NUP85: variants seen among roughly 807,000 people sequenced by gnomAD.
NUP85 encodes nucleoporin 85, also known as nuclear pore complex protein Nup85.
Under a neutral mutation model 92.8 loss-of-function variants are expected in NUP85, and 23 were observed. The observed-to-expected ratio is 0.25, with a 90% CI of 0.18 to 0.35. The LOEUF is 0.35. Ranked by LOEUF, NUP85 falls within the 10% of genes least tolerant of loss-of-function variation. The pLI is 1.00. For synonymous variants in NUP85, 314 were observed against 306.9 expected (o/e 1.02, Z -0.24); for missense variants, 759 against 822.8 (o/e 0.92, Z 0.95).
At chr17:75,232,245 G>A (rs1007311904) in intron 14 of NUP85, 22 of 455,278 alleles carry the variant, frequency 4.8e-5, no homozygotes, top group Middle Eastern at 6.4e-4. Context: ...TTGATTCCAC[G>A]AGGTCAGGGC....
Position 75,218,216 on chromosome 17 carries a change from G to T in NUP85, c.507G>T (p.Trp169Cys). The T allele has an allele frequency of 6.2e-7, 1 of 1,613,944 alleles. No homozygotes were observed. Among genetic ancestry groups the T allele is most frequent in the Non-Finnish European group, 8.5e-7 (1 of 1,179,938 alleles). ...AGPLLLHLLD[W>C]VRLHVCEVDS... ...CTCTCCTCCTCCATCTCCTTGACTGGGTCCGGCTCCATGTGTGCGAGGTGG... is the reference window on the plus strand; with the variant it reads ...CTCTCCTCCTCCATCTCCTTGACTGTGTCCGGCTCCATGTGTGCGAGGTGG... The change falls in exon 7 of 19, where the codon TGG becomes TGT. Residue 169 changes from tryptophan to cysteine, a missense_variant. By Grantham distance (215) the Trp-to-Cys change is radical (BLOSUM62 -2). Coordinates refer to ENST00000245544, the MANE Select transcript of NUP85 (RefSeq NM_024844.5).
At chr17:75,212,958 CTT>C in intron 4 of NUP85, 116 bp from the exon 5 acceptor site, 5 of 972,142 alleles carry the variant, frequency 5.1e-6, no homozygotes, top group Non-Finnish European at 6.2e-6. Flanking sequence ...ATTATAATGT[CTT>C]TTAATTTTTC....
At chr17:75,212,501 C>T (rs1475439204) in intron 4 of NUP85, among the ~76,000 whole-genome samples, 1 of 97,506 alleles carries the variant, frequency 1.0e-5, no homozygotes, top group African/African-American at 4.1e-5. Flanking sequence ...TTTTTTGAGA[C>T]AAGGTTGCCC....
At chr17:75,222,234 G>A (rs145256473) in intron 7 of NUP85, among the ~76,000 whole-genome samples, 3,876 of 152,098 alleles carry the variant, frequency 0.025, 163 homozygotes, top group African/African-American at 0.089. Flanking sequence ...TAGTGGAGAC[G>A]GGGTTTTGCC....
rs952919463 is a variant in NUP85, at chr17:75,211,912, C to T, written c.291-80C>T. 2.7e-6 allele frequency: 3 copies of T among 1,114,648 alleles called. No homozygotes were observed. In the Admixed American group the frequency reaches 6.1e-5, roughly 23 times the overall value. The allele number at this position is 1,114,648 out of a possible 1,614,324, so 69.0% of individuals were successfully genotyped here. On this transcript the variant is annotated intron_variant, in intron 3 of 18. Transcript: ENST00000245544. ...TCCTCTTTCTTTCAGCAAATTTCTG[C>T]ATTTATTTGAGTGTTTCCTTCCTTT...
Position 75,221,781 on chromosome 17 carries a change from C to T in NUP85, c.598-3322C>T, listed in dbSNP as rs996791864. Among the ~76,000 whole-genome samples, 8 of 152,222 alleles carry T rather than the reference C, an allele frequency of 5.3e-5. No homozygotes were observed. In the East Asian group the frequency reaches 1.4e-3, roughly 26 times the overall value. On this transcript the variant is annotated intron_variant, in intron 7 of 18. Transcript: ENST00000245544. ...AAGCCTGAGATCTTACTTAGGTTCC[C>T]AAAGGCTGTCCTGGCTGCCATGTTG...
At chr17:75,223,032 C>CAA (rs1190240035) in intron 7 of NUP85, among the ~76,000 whole-genome samples, 3,270 of 47,462 alleles carry the variant, frequency 0.069, 61 homozygotes, top group Non-Finnish European at 0.13. Flanking sequence ...GACTCTGTCT[C>CAA]AAAAAAAAAA....
In NUP85 at chr17:75,209,978, A is replaced by T. The variant is rs2075208143; in HGVS notation, c.283A>T (p.Lys95Ter). 6.3e-7 allele frequency: 1 copy of T among 1,591,856 alleles called. No individual in the cohort carries two copies. The highest frequency in any genetic ancestry group is 8.5e-7 in the Non-Finnish European group (1 of 1,174,980). Residue 95 changes from lysine (K) to a stop codon, truncating the protein, a stop_gained, in exon 3 of 19, where the codon AAA becomes TAA. Coordinates refer to ENST00000245544, the MANE Select transcript of NUP85 (RefSeq NM_024844.5). LOFTEE classifies it high-confidence loss of function. The stretch of plus-strand genomic sequence containing the variant: ...CGAAGAGTTGACTGGAAAATCCAGA[A>T]AATCTCAGTAAGTTGGTTGCTGTTT... The part of the protein sequence containing the change: ...IDEELTGKSR[K>*]SQLVRVSKNY...
rs1022705384 is a variant in NUP85 at position 75,209,871 on chromosome 17, A to G, written c.176A>G (p.Lys59Arg). ...PSCPFIYIIR[K>R]DVDVYSQILR... ...TGCCCCTTTATCTATATCATCCGTA[A>G]GGATGTAGATGTTTACTCTCAAATC... The change falls in exon 3 of 19, where the codon AAG becomes AGG. Residue 59 changes from lysine (K) to arginine (R), a missense_variant. Physicochemically the swap from Lys to Arg is conservative, Grantham distance 26 (BLOSUM62 2). Coordinates refer to ENST00000245544, the MANE Select transcript of NUP85 (RefSeq NM_024844.5). The G allele has an allele frequency of 1.3e-6, 2 of 1,581,290 alleles. No individual in the cohort carries two copies. The highest frequency in any genetic ancestry group is 1.2e-5 in the South Asian group (1 of 84,936).
At position 75,233,073 on chromosome 17, in the gene NUP85, C is replaced by T; in HGVS notation, c.1530C>T (p.Tyr510=). ...TLVSDRFLRD[Y]CERGCFSDLD... ...GGCCCTGCAGGTTCCTCAGGGATTA[C>T]TGTGAGCGAGGCTGCTTTTCTGATT... Residue 510 remains tyrosine (Y), a synonymous_variant, in exon 16 of 19, where the codon TAC becomes TAT. Transcript: ENST00000245544. 1 of 1,614,168 alleles carries T rather than the reference C, an allele frequency of 6.2e-7. No individual in the cohort carries two copies. Among genetic ancestry groups the T allele is most frequent in the Non-Finnish European group, 8.5e-7 (1 of 1,180,032 alleles).
At position 75,225,380 on chromosome 17, in the gene NUP85, G is replaced by T. The variant is rs559681053; in HGVS notation, c.771G>T (p.Lys257Asn). ...AGACACTGACAGAGCTGGAGCTGAA[G>T]TGGCAGCACTGGCACGAGGAATGTG... ...NTQTLTELEL[K>N]WQHWHEECER... Residue 257 changes from lysine to asparagine, a missense_variant, in exon 9 of 19, where the codon AAG becomes AAT. Transcript: ENST00000245544. 7 of 1,614,242 alleles carry T rather than the reference G, an allele frequency of 4.3e-6. No individual in the cohort carries two copies. The South Asian group carries it at 7.7e-5, about 18-fold the overall frequency.
intron 4 of NUP85, among the ~76,000 whole-genome samples, chr17:75,212,685 T>A (rs1014420066): frequency 6.6e-6 from 1 of 152,022 alleles, no homozygotes. Context: ...TTTGTTCTGA[T>A]AATTTTTAAA....
At chr17:75,223,229 G>C (rs547525996) in intron 7 of NUP85, among the ~76,000 whole-genome samples, 49 of 152,134 alleles carry the variant, frequency 3.2e-4, no homozygotes, top group Non-Finnish European at 3.4e-4. Context: ...GCCTTGTTTA[G>C]TGTGTGTCAA....
At chr17:75,218,341 G>A (rs1242417548) in intron 7 of NUP85, 35 bp downstream of exon 7, 4 of 1,610,000 alleles carry the variant, frequency 2.5e-6, no homozygotes, top group Non-Finnish European at 3.4e-6. Flanking sequence ...CCCACCATGT[G>A]TCCTACTGTC....
At chr17:75,235,046 A>G (rs369962952) in intron 17 of NUP85, 54 bp from the exon 18 acceptor site, 57 of 1,438,188 alleles carry the variant, frequency 4.0e-5, no homozygotes, top group South Asian at 2.4e-4. Context: ...CCCTGCCCCA[A>G]CCAATGCAGG....
At position 75,232,905 on chromosome 17, in the gene NUP85, G is replaced by C; in HGVS notation, c.1451G>C (p.Gly484Ala). The C allele has an allele frequency of 6.2e-7, 1 of 1,614,232 alleles. No individual in the cohort carries two copies. Among genetic ancestry groups the C allele is most frequent in the Non-Finnish European group, 8.5e-7 (1 of 1,180,050 alleles). The change falls in exon 15 of 19, where the codon GGT becomes GCT. Residue 484 changes from glycine (G) to alanine (A), a missense_variant. Gly to Ala is a moderately conservative substitution (Grantham distance 60). Coordinates refer to ENST00000245544, the MANE Select transcript of NUP85 (RefSeq NM_024844.5). ...AMKAVRNNRL[G>A]SALSWSIRAK... ...AAAGCCGTCCGCAACAATCGCCTGGGTTCTGCCCTCTCTTGGAGCATCCGT... is the reference window on the plus strand; with the variant it reads ...AAAGCCGTCCGCAACAATCGCCTGGCTTCTGCCCTCTCTTGGAGCATCCGT...
chr17:75,210,827 G>C (rs529352186), intron 3 of NUP85, among the ~76,000 whole-genome samples: 1 of 151,580 alleles, frequency 6.6e-6, no homozygotes, highest in African/African-American at 2.4e-5. Flanking sequence ...TCAGCCTCCC[G>C]AGTAGCTGGG....
At chr17:75,230,918 T>C (rs2145404796) in intron 11 of NUP85, among the ~76,000 whole-genome samples, 1 of 140,728 alleles carries the variant, frequency 7.1e-6, no homozygotes, top group East Asian at 2.1e-4. Context: ...AGACTCCACC[T>C]CAACTACTTT....
chr17:75,231,541 G>C lies in NUP85; in HGVS notation c.1179-32G>C, dbSNP rs760887411. ...GGGGGCCCTGAACAGGGCAGGCCAG[G>C]AGTCTTGGTCTTTTGTTATGTTTTA... On this transcript the variant is annotated intron_variant, in intron 12 of 18. Transcript: ENST00000245544. The surrounding 1 kb of genome is among the most constrained non-coding windows in gnomAD (Gnocchi z 4.6). 6.2e-7 allele frequency: 1 copy of C among 1,613,680 alleles called. No individual in the cohort carries two copies. Among genetic ancestry groups the C allele is most frequent in the South Asian group, 1.1e-5 (1 of 91,058 alleles).
Sources: gnomAD v4.1 joint callset for allele counts (sites outside exome capture counted in the v4.1 genomes callset) on GRCh38, gnomAD v4.1.1 for gene constraint, Gnocchi (gnomAD v3.1) non-coding constraint, MANE v1.5 for transcripts, NCBI Gene and HGNC (gene_info 2026-07-23, HGNC 2026-07-21) for gene names.